EIF3H: variants seen among roughly 807,000 people sequenced by gnomAD.
The protein encoded by EIF3H is eukaryotic translation initiation factor 3 subunit H.
EIF3H carries 26 observed loss-of-function variants against 44.2 expected under a neutral mutation model. That is an observed-to-expected ratio of 0.59 (90% CI 0.43 to 0.82). The LOEUF is 0.82. Among genes scored for constraint, EIF3H ranks in the 40% least tolerant of loss-of-function variants. The pLI is 0.00. For synonymous variants in EIF3H, 166 were observed against 151.9 expected, an observed-to-expected ratio of 1.09 and a Z score of -0.68; for missense variants, 359 against 432.8, an observed-to-expected ratio of 0.83 and a Z score of 1.51.
chr8:116,759,691 T>C (rs545505724), upstream of EIF3H, among the ~76,000 whole-genome samples: 63 of 152,166 alleles, frequency 4.1e-4, 1 homozygote, highest in South Asian at 0.012. Flanking sequence ...CCAAAAGATG[T>C]GTGGGGTGTG....
In EIF3H at chr8:116,680,637, T is replaced by A. The variant is rs541559860; in HGVS notation, c.290-21657A>T. 5.2e-3 allele frequency among the ~76,000 whole-genome samples: 651 copies of A among 124,226 alleles called. 5 individuals carry two copies. Among genetic ancestry groups the A allele is most frequent in the African/African-American group, 0.019 (600 of 32,144 alleles). The allele number at this position is 124,226 out of a possible 152,430, so 81.5% of individuals were successfully genotyped here. On this transcript the variant is annotated intron_variant, in intron 2 of 7. Transcript: ENST00000521861. ...CAGATGCTTGAAGGCAGCATGCTCGTTAAGAGTCATCACCACTCCCTAATC... is the reference window on the plus strand; with the variant it reads ...CAGATGCTTGAAGGCAGCATGCTCGATAAGAGTCATCACCACTCCCTAATC...
chr8:116,743,209 G>C (rs1351112325), intron 1 of EIF3H, among the ~76,000 whole-genome samples: 1 of 152,160 alleles, frequency 6.6e-6, no homozygotes, highest in African/African-American at 2.4e-5. Flanking sequence ...TAGCGCTTTG[G>C]GAGGCCAAGG....
chr8:116,744,962 G>A (rs943212381), intron 1 of EIF3H, among the ~76,000 whole-genome samples: 2 of 152,194 alleles, frequency 1.3e-5, no homozygotes, highest in Non-Finnish European at 2.9e-5. Context: ...CAAGTCCAGA[G>A]CATTGCTGCC....
chr8:116,756,095 C>G (rs1310298763), upstream of EIF3H: 27 of 1,254,834 alleles, frequency 2.2e-5, no homozygotes, highest in Admixed American at 5.4e-4. Context: ...TTACAGTTCG[C>G]ATTATTTCTG....
At chr8:116,679,741 GC>G (rs1813934122) in intron 2 of EIF3H, among the ~76,000 whole-genome samples, 1 of 7,188 alleles carries the variant, frequency 1.4e-4, no homozygotes, top group Non-Finnish European at 3.7e-4. Context: ...CCGGCCAGCC[GC>G]CCCGTCCGGG....
At chr8:116,694,252 CT>C (rs1814229306) in intron 2 of EIF3H, among the ~76,000 whole-genome samples, 1 of 151,872 alleles carries the variant, frequency 6.6e-6, no homozygotes, top group Non-Finnish European at 1.5e-5. Flanking sequence ...CCTCCAGTGT[CT>C]GTCAAATTCA....
chr8:116,692,237 C>A (rs1814191225), intron 2 of EIF3H, among the ~76,000 whole-genome samples: 1 of 152,118 alleles, frequency 6.6e-6, no homozygotes, highest in Non-Finnish European at 1.5e-5. Context: ...TCCAATAATT[C>A]CACAATTTCA....
intron 5 of EIF3H, among the ~76,000 whole-genome samples, chr8:116,652,089 A>T (rs1813403552): frequency 1.3e-5 from 2 of 152,198 alleles, no homozygotes; most frequent in Admixed American, 1.3e-4. Flanking sequence ...ACAGACCCTG[A>T]GGAACACGGA....
chr8:116,664,901 C>G (rs1286992584), intron 2 of EIF3H, among the ~76,000 whole-genome samples: 1 of 148,786 alleles, frequency 6.7e-6, no homozygotes, highest in Non-Finnish European at 1.5e-5. Flanking sequence ...AAGAGTAGAG[C>G]TAGGCACAGA....
intron 2 of EIF3H, among the ~76,000 whole-genome samples, chr8:116,707,903 C>T (rs1814497736): frequency 6.6e-6 from 1 of 152,104 alleles, no homozygotes; most frequent in African/African-American, 2.4e-5. Flanking sequence ...TTTCTATGCT[C>T]ATAATACATG....
intron 2 of EIF3H, among the ~76,000 whole-genome samples, chr8:116,706,178 G>A (rs1040884950): frequency 2.6e-5 from 4 of 152,142 alleles, no homozygotes; most frequent in African/African-American, 4.8e-5. Context: ...GATTACTACA[G>A]ATAGCTTAAA....
At chr8:116,738,576 T>A (rs1391380001) in intron 1 of EIF3H, among the ~76,000 whole-genome samples, 1 of 152,176 alleles carries the variant, frequency 6.6e-6, no homozygotes, top group Non-Finnish European at 1.5e-5. Context: ...GAAGCCTAAC[T>A]TATGCTTCAA....
chr8:116,736,440 T>A (rs1220610770), intron 1 of EIF3H, among the ~76,000 whole-genome samples: 2 of 152,174 alleles, frequency 1.3e-5, no homozygotes, highest in Admixed American at 6.5e-5. Context: ...GGCCAGCGGA[T>A]CACGGGGTCA....
intron 2 of EIF3H, among the ~76,000 whole-genome samples, chr8:116,691,339 C>A (rs534572227): frequency 6.6e-6 from 1 of 152,166 alleles, no homozygotes; most frequent in East Asian, 1.9e-4. Context: ...CAAGCTCCTA[C>A]AAACCTGGGG....
chr8:116,680,954 A>G (rs1813977416), intron 2 of EIF3H, among the ~76,000 whole-genome samples: 1 of 148,548 alleles, frequency 6.7e-6, no homozygotes, highest in East Asian at 2.0e-4. Context: ...TGAGTAATAA[A>G]GATGTGGAAT....
chr8:116,691,695 C>T (rs959651578), intron 2 of EIF3H, among the ~76,000 whole-genome samples: 1 of 151,994 alleles, frequency 6.6e-6, no homozygotes, highest in African/African-American at 2.4e-5. Flanking sequence ...GACAACATGG[C>T]GAAAGCCCGT....
At chr8:116,662,063 A>T (rs1217512633) in intron 2 of EIF3H, among the ~76,000 whole-genome samples, 1 of 152,230 alleles carries the variant, frequency 6.6e-6, no homozygotes, top group African/African-American at 2.4e-5. Flanking sequence ...TGTAAGTCAT[A>T]AGAGTTTTCA....
intron 2 of EIF3H, among the ~76,000 whole-genome samples, chr8:116,662,966 G>A (rs1278094264): frequency 6.6e-6 from 1 of 152,184 alleles, no homozygotes; most frequent in African/African-American, 2.4e-5. Context: ...TGGGTAGGTA[G>A]GTAAGGAGAG....
At chr8:116,664,409 C>T (rs1157812979) in intron 2 of EIF3H, among the ~76,000 whole-genome samples, 3 of 152,184 alleles carry the variant, frequency 2.0e-5, no homozygotes, top group Non-Finnish European at 4.4e-5. Context: ...AACCAAACAA[C>T]AGTATGAGAT....
Sources: gnomAD v4.1 joint callset for allele counts (sites outside exome capture counted in the v4.1 genomes callset) on GRCh38, gnomAD v4.1.1 for gene constraint, MANE v1.5 for transcripts, NCBI Gene and HGNC (gene_info 2026-07-23, HGNC 2026-07-21) for gene names.